The following PRKAA2 variants were observed in gnomAD, a reference collection of about 807,000 sequenced individuals.
The protein encoded by PRKAA2 is 5'-AMP-activated protein kinase catalytic subunit alpha-2.
A neutral mutation model predicts 56.3 loss-of-function variants in PRKAA2; 40 were observed. The ratio of observed to expected loss-of-function variants is 0.71; its 90% CI spans 0.55 to 0.92. The LOEUF (loss-of-function observed/expected upper bound fraction) is 0.92, where lower values mean the gene tolerates loss of function less well. PRKAA2 is among the 40% of genes least tolerant of loss of function. The pLI, the probability that PRKAA2 is intolerant of heterozygous loss-of-function variation, is 0.00. For synonymous variants in PRKAA2, 214 were observed against 234.2 expected (o/e 0.91, Z 0.79); for missense variants, 542 against 686.9 (o/e 0.79, Z 2.36).
At position 56,704,357 on chromosome 1, in the gene PRKAA2, C is replaced by T; in HGVS notation, c.1175C>T (p.Pro392Leu). The change falls in exon 7 of 9, where the codon CCC (proline) becomes CTC (leucine). Residue 392 changes from proline to leucine, a missense_variant. Pro to Leu is a moderately conservative substitution (Grantham distance 98). Coordinates refer to ENST00000371244, the MANE Select transcript of PRKAA2 (RefSeq NM_006252.4). ...CPLDALNTTK[P>L]KSLAVKKAKW... ...TTGGATGCACTGAATACGACTAAGCCCAAATCTTTAGCTGTGAAAAAAGCC... is the reference window on the plus strand; with the variant it reads ...TTGGATGCACTGAATACGACTAAGCTCAAATCTTTAGCTGTGAAAAAAGCC... The T allele has an allele frequency of 2.5e-6, 4 of 1,614,092 alleles. No homozygotes were observed. Among genetic ancestry groups the T allele is most frequent in the Non-Finnish European group, 3.4e-6 (4 of 1,180,030 alleles).
In PRKAA2 at chr1:56,691,457, A is replaced by C; in HGVS notation, c.300A>C (p.Glu100Asp). 6.2e-7 allele frequency: 1 copy of C among 1,611,710 alleles called. No homozygotes were observed. Among genetic ancestry groups the C allele is most frequent in the East Asian group, 2.2e-5 (1 of 44,734 alleles). Reference protein sequence around the residue: ...FMVMEYVSGGELFDYICKHGR... With the variant: ...FMVMEYVSGGDLFDYICKHGR... ...TAATGGAATATGTGTCTGGAGGTGA[A>C]TTATTTGACTACATCTGTAAGCATG... The change falls in exon 3 of 9, where the codon GAA (glutamate) becomes GAC (aspartate). Residue 100 changes from glutamate (E) to aspartate (D), a missense_variant. By Grantham distance (45) the Glu-to-Asp change is conservative. Transcript: ENST00000371244.
rs370896656 is a variant in PRKAA2, at chr1:56,648,757, G to A, written c.94+3276G>A. 1.7e-4 allele frequency among the ~76,000 whole-genome samples: 26 copies of A among 152,312 alleles called. No homozygotes were observed. In the South Asian group the frequency reaches 5.0e-3, roughly 29 times the overall value. On this transcript the variant is annotated intron_variant, in intron 1 of 8. Transcript: ENST00000371244. ...ATTTATTATAGCCATTCTAGTGGGT[G>A]CGAAATAGTATCTCATTGAGGCATT... is the stretch of plus-strand genomic sequence containing the variant.
At chr1:56,651,793 A>G (rs1402767207) in intron 1 of PRKAA2, among the ~76,000 whole-genome samples, 1 of 151,628 alleles carries the variant, frequency 6.6e-6, no homozygotes, top group African/African-American at 2.4e-5. Flanking sequence ...GTTTTAACCC[A>G]TGTTTATTAG....
intron 2 of PRKAA2, among the ~76,000 whole-genome samples, chr1:56,678,726 C>T (rs1183563492): frequency 2.8e-5 from 4 of 143,956 alleles, no homozygotes; most frequent in East Asian, 4.1e-4. Flanking sequence ...GACAAAGTCT[C>T]GCTCTGTTGC....
At chr1:56,672,747 T>G in intron 1 of PRKAA2, among the ~76,000 whole-genome samples, 1 of 152,130 alleles carries the variant, frequency 6.6e-6, no homozygotes, top group East Asian at 1.9e-4. Context: ...GGCTTGTTAA[T>G]TAATGGGTAT....
At chr1:56,677,480 T>C (rs1644121346) in intron 2 of PRKAA2, among the ~76,000 whole-genome samples, 1 of 152,228 alleles carries the variant, frequency 6.6e-6, no homozygotes, top group South Asian at 2.1e-4. Flanking sequence ...ATTTGCCTTA[T>C]ACCTTGACCT....
intron 2 of PRKAA2, among the ~76,000 whole-genome samples, chr1:56,681,580 G>A (rs949507113): frequency 6.6e-6 from 1 of 152,174 alleles, no homozygotes; most frequent in Admixed American, 6.5e-5. Flanking sequence ...CATATGGCTA[G>A]CCAATTTTCC....
intron 1 of PRKAA2, among the ~76,000 whole-genome samples, chr1:56,652,143 G>T (rs1008810613): frequency 6.6e-6 from 1 of 151,738 alleles, no homozygotes; most frequent in Non-Finnish European, 1.5e-5. Flanking sequence ...CTCCCGACTA[G>T]CTGGGACTAC....
At chr1:56,683,472 G>T (rs1365816376) in intron 2 of PRKAA2, among the ~76,000 whole-genome samples, 1 of 152,094 alleles carries the variant, frequency 6.6e-6, no homozygotes, top group Non-Finnish European at 1.5e-5. Flanking sequence ...GTATAGGGAA[G>T]TGGAAAAATA....
Position 56,691,455 on chromosome 1 carries a change from G to A in PRKAA2, c.298G>A (p.Glu100Lys). Residue 100 changes from glutamate (E) to lysine (K), a missense_variant, in exon 3 of 9, where the codon GAA (glutamate) becomes AAA (lysine). Physicochemically the swap from Glu to Lys is moderately conservative, Grantham distance 56. Transcript: ENST00000371244. ...FMVMEYVSGG[E>K]LFDYICKHGR... ...GGTAATGGAATATGTGTCTGGAGGT[G>A]AATTATTTGACTACATCTGTAAGCA... is the stretch of plus-strand genomic sequence containing the variant. The A allele has an allele frequency of 6.2e-7, 1 of 1,611,740 alleles. No homozygotes were observed.
intron 1 of PRKAA2, among the ~76,000 whole-genome samples, chr1:56,653,235 AT>A (rs1643915392): frequency 6.6e-6 from 1 of 150,504 alleles, no homozygotes; most frequent in South Asian, 2.1e-4. Context: ...AATACGTGCT[AT>A]TTAGGTTTCT....
At chr1:56,677,597 A>G (rs574764212) in intron 2 of PRKAA2, among the ~76,000 whole-genome samples, 1 of 151,832 alleles carries the variant, frequency 6.6e-6, no homozygotes, top group African/African-American at 2.4e-5. Flanking sequence ...CACAAATCAG[A>G]TTTTATCAAT....
In PRKAA2 at chr1:56,709,352, T is replaced by C. The variant is rs188023039; in HGVS notation, c.*1639T>C. On this transcript the variant is annotated 3_prime_UTR_variant, in exon 9 of 9. Transcript: ENST00000371244. ...ATGGCTTTGCAGATCTTTTAAAAAC[T>C]GATGTTAAATAACTTATAAGTCCAA... is the stretch of plus-strand genomic sequence containing the variant. The C allele has an allele frequency of 8.0e-4, 122 of 152,302 alleles. No individual in the cohort carries two copies. Among genetic ancestry groups the C allele is most frequent in the African/African-American group, 2.9e-3 (119 of 41,586 alleles). The allele number at this position is 152,302 out of a possible 1,614,324, so 9.4% of individuals were successfully genotyped here. A position where few individuals can be genotyped will look rare whatever the true frequency, so the allele number is the denominator to read the frequency against.
intron 1 of PRKAA2, among the ~76,000 whole-genome samples, chr1:56,668,427 G>T (rs998223276): frequency 5.9e-5 from 8 of 135,262 alleles, no homozygotes; most frequent in African/African-American, 2.2e-4. Flanking sequence ...AAAAAAAAAA[G>T]AAATACCACC....
In PRKAA2 at chr1:56,703,998, GC is replaced by G. The variant is rs1302781034; in HGVS notation, c.819del (p.Ser274ValfsTer20). Reference sequence around the variant, plus strand: ...AGCATGAATGGTTTAAACAAGATTTGCCCAGTTACTTATTTCCTGAAGACCC... The same window carrying G: ...AGCATGAATGGTTTAAACAAGATTTGCCAGTTACTTATTTCCTGAAGACCC... ...REHEWFKQDL[P>X]SYLFPEDPSY... On this transcript the variant is annotated frameshift_variant, in exon 7 of 9. Coordinates refer to ENST00000371244, the MANE Select transcript of PRKAA2 (RefSeq NM_006252.4). LOFTEE classifies it high-confidence loss of function. 6.2e-7 allele frequency: 1 copy of G among 1,611,072 alleles called. No individual in the cohort carries two copies. The highest frequency in any genetic ancestry group is 8.5e-7 in the Non-Finnish European group (1 of 1,178,354).
chr1:56,672,309 G>T (rs951523973), intron 1 of PRKAA2, among the ~76,000 whole-genome samples: 3 of 152,048 alleles, frequency 2.0e-5, no homozygotes, highest in Non-Finnish European at 4.4e-5. Flanking sequence ...TAGAGATGGG[G>T]TTTTGCCATG....
At position 56,691,486 on chromosome 1, in the gene PRKAA2, G is replaced by T. The variant is rs746358536; in HGVS notation, c.329G>T (p.Arg110Leu). The T allele has an allele frequency of 2.5e-6, 4 of 1,597,738 alleles. No homozygotes were observed. The highest frequency in any genetic ancestry group is 2.6e-6 in the Non-Finnish European group (3 of 1,166,226). Residue 110 changes from arginine to leucine, a missense_variant and splice_region_variant, in exon 3 of 9, where the codon CGG becomes CTG. Physicochemically the swap from Arg to Leu is moderately radical, Grantham distance 102. Around this residue, in one of 5 missense-constraint regions of PRKAA2, gnomAD observed 121 missense variants for 210.0 expected, o/e 0.58. Coordinates refer to ENST00000371244, the MANE Select transcript of PRKAA2 (RefSeq NM_006252.4). ...TTTGACTACATCTGTAAGCATGGAC[G>T]GGTGAGTAACATACTATCTGGTACA... ...ELFDYICKHG[R>L]VEEMEARRLF...
At chr1:56,702,421 C>CA (rs1253725384) in intron 6 of PRKAA2, among the ~76,000 whole-genome samples, 1 of 152,214 alleles carries the variant, frequency 6.6e-6, no homozygotes, top group Non-Finnish European at 1.5e-5. Flanking sequence ...ATACCACAAA[C>CA]AAAATGATCT....
chr1:56,677,566 A>G (rs1051885376), intron 2 of PRKAA2, among the ~76,000 whole-genome samples: 6 of 152,154 alleles, frequency 3.9e-5, no homozygotes, highest in African/African-American at 9.7e-5. Context: ...TACTATCTGT[A>G]CAGTTCCCAG....
Sources: allele counts gnomAD v4.1 joint callset (sites outside exome capture counted in the v4.1 genomes callset), GRCh38; gene constraint gnomAD v4.1.1; regional missense constraint gnomAD v4.1.1; transcripts MANE v1.5; gene names NCBI Gene and HGNC (gene_info 2026-07-23, HGNC 2026-07-21).